The following IL1RAPL1 variants were observed in gnomAD, a reference collection of about 807,000 sequenced individuals.
IL1RAPL1 encodes interleukin-1 receptor accessory protein-like 1.
A neutral mutation model predicts 48.4 loss-of-function variants in IL1RAPL1; 3 were observed. The ratio of observed to expected loss-of-function variants is 0.06; its 90% CI spans 0.03 to 0.16. The LOEUF is 0.16. Among genes scored for constraint, IL1RAPL1 ranks in the 10% least tolerant of loss-of-function variants. IL1RAPL1 has a pLI of 1.00. For synonymous variants in IL1RAPL1, 185 were observed against 187.7 expected (o/e 0.99, Z 0.12); for missense variants, 349 against 530.6 (o/e 0.66, Z 3.36).
rs747619089 is a variant in IL1RAPL1, at chrX:28,587,964, A to C, written c.-108A>C. The C allele has an allele frequency of 8.9e-6, 1 of 111,762 alleles. No individual in the cohort carries two copies. Among genetic ancestry groups the C allele is most frequent in the Non-Finnish European group, 1.9e-5 (1 of 53,182 alleles). 9.2% of individuals were successfully genotyped at this position (111,762 alleles called of 1,213,427 possible). On this transcript the variant is annotated 5_prime_UTR_variant, in exon 1 of 11. Coordinates refer to ENST00000378993, the MANE Select transcript of IL1RAPL1 (RefSeq NM_014271.4). Reference sequence around the variant, plus strand: ...AAAAGAACACAGGAGTAAAACGTGGATTTTTCTGAATACGCATTGTGATGA... The same window carrying C: ...AAAAGAACACAGGAGTAAAACGTGGCTTTTTCTGAATACGCATTGTGATGA...
intron 5 of IL1RAPL1, among the ~76,000 whole-genome samples, chrX:29,656,450 A>C (rs984088979): frequency 9.1e-6 from 1 of 110,115 alleles, no homozygotes; most frequent in African/African-American, 3.3e-5. Flanking sequence ...CCCAGAGTCC[A>C]TTATGTCATT....
chrX:28,883,952 T>C (rs1197097550), intron 2 of IL1RAPL1, among the ~76,000 whole-genome samples: 1 of 111,830 alleles, frequency 8.9e-6, no homozygotes, highest in African/African-American at 3.2e-5. Context: ...TAAAGACATG[T>C]TACACTTTTG....
intron 5 of IL1RAPL1, among the ~76,000 whole-genome samples, chrX:29,521,382 G>A (rs972213089): frequency 3.0e-4 from 34 of 111,628 alleles, no homozygotes; most frequent in African/African-American, 1.1e-3. Context: ...CAATGTGATT[G>A]TATGCCTTAA....
intron 6 of IL1RAPL1, among the ~76,000 whole-genome samples, chrX:29,757,240 G>T (rs1284928370): frequency 1.8e-5 from 2 of 112,084 alleles, no homozygotes; most frequent in Non-Finnish European, 3.8e-5. Context: ...ACAGGCAGTT[G>T]CATAGCTCAT....
intron 2 of IL1RAPL1, among the ~76,000 whole-genome samples, chrX:29,281,864 A>G (rs921386166): frequency 1.8e-5 from 2 of 112,029 alleles, no homozygotes; most frequent in African/African-American, 6.5e-5. Flanking sequence ...AACAAAAGAT[A>G]TTTCTTTCTC....
At chrX:29,277,512 C>A (rs1318944749) in intron 2 of IL1RAPL1, among the ~76,000 whole-genome samples, 1 of 111,896 alleles carries the variant, frequency 8.9e-6, no homozygotes, top group Non-Finnish European at 1.9e-5. Flanking sequence ...CAAGGAAGAG[C>A]AACCCTTATG....
chrX:29,523,175 T>C (rs1379911018), intron 5 of IL1RAPL1, among the ~76,000 whole-genome samples: 1 of 112,001 alleles, frequency 8.9e-6, no homozygotes, highest in Non-Finnish European at 1.9e-5. Flanking sequence ...ATGTGCTTTT[T>C]GGTTAACAGT....
intron 3 of IL1RAPL1, among the ~76,000 whole-genome samples, chrX:29,301,796 T>C (rs963232724): frequency 1.8e-5 from 2 of 110,772 alleles, no homozygotes; most frequent in Non-Finnish European, 3.8e-5. Context: ...GTTAAAAATA[T>C]GGTGACAAAG....
intron 6 of IL1RAPL1, among the ~76,000 whole-genome samples, chrX:29,903,006 A>ATTACT (rs1932525722): frequency 9.0e-6 from 1 of 111,171 alleles, no homozygotes; most frequent in Admixed American, 9.6e-5. Flanking sequence ...TACCCCTTTC[A>ATTACT]TTACTTTTCC....
At chrX:29,084,884 G>T (rs951910010) in intron 2 of IL1RAPL1, among the ~76,000 whole-genome samples, 13 of 111,812 alleles carry the variant, frequency 1.2e-4, no homozygotes, top group Non-Finnish European at 1.9e-4. Flanking sequence ...GTAGAGACGG[G>T]GTTTCGCCAT....
intron 6 of IL1RAPL1, among the ~76,000 whole-genome samples, chrX:29,822,800 C>T (rs182783683): frequency 9.0e-4 from 100 of 111,109 alleles, no homozygotes; most frequent in African/African-American, 3.0e-3. Flanking sequence ...GAAAGGTCCT[C>T]GACTTTGGAG....
intron 2 of IL1RAPL1, among the ~76,000 whole-genome samples, chrX:29,281,777 G>A (rs1389994852): frequency 8.9e-6 from 1 of 112,045 alleles, no homozygotes; most frequent in Non-Finnish European, 1.9e-5. Flanking sequence ...AGTAATGAAG[G>A]GATTGGCTAG....
At chrX:29,679,437 T>C (rs1315953165) in intron 6 of IL1RAPL1, among the ~76,000 whole-genome samples, 1 of 111,730 alleles carries the variant, frequency 9.0e-6, no homozygotes. Context: ...ACTGAAATAT[T>C]TGGGGTGCAA....
chrX:28,999,301 C>G (rs999265111), intron 2 of IL1RAPL1, among the ~76,000 whole-genome samples: 1 of 111,303 alleles, frequency 9.0e-6, no homozygotes, highest in Non-Finnish European at 1.9e-5. Context: ...TCTACTTAAT[C>G]TTGCCTCTTA....
At chrX:29,180,387 A>AT (rs1930119700) in intron 2 of IL1RAPL1, among the ~76,000 whole-genome samples, 1 of 109,608 alleles carries the variant, frequency 9.1e-6, no homozygotes, top group Admixed American at 9.9e-5. Flanking sequence ...TATTATTATT[A>AT]TTTTTTGAGA....
chrX:29,335,590 G>A (rs1479522792), intron 3 of IL1RAPL1, among the ~76,000 whole-genome samples: 2 of 109,695 alleles, frequency 1.8e-5, no homozygotes, highest in East Asian at 5.7e-4. Flanking sequence ...CAAACTTGGT[G>A]ACTTAAAACA....
intron 3 of IL1RAPL1, among the ~76,000 whole-genome samples, chrX:29,310,162 A>AGTC (rs1383268546): frequency 9.7e-6 from 1 of 103,301 alleles, no homozygotes; most frequent in Non-Finnish European, 2.0e-5. Flanking sequence ...AAAAAGGGTA[A>AGTC]GTCGGGAGCT....
At chrX:29,046,100 A>T (rs1352809112) in intron 2 of IL1RAPL1, among the ~76,000 whole-genome samples, 2 of 108,064 alleles carry the variant, frequency 1.9e-5, no homozygotes, top group Non-Finnish European at 1.9e-5. Context: ...CAGGCTGGAG[A>T]GCAGGGGTGC....
intron 5 of IL1RAPL1, among the ~76,000 whole-genome samples, chrX:29,413,939 G>A (rs1309960737): frequency 9.0e-6 from 1 of 110,810 alleles, no homozygotes; most frequent in Non-Finnish European, 1.9e-5. Context: ...ATATATGTGT[G>A]TGTGTGCCCC....
Sources: allele counts gnomAD v4.1 joint callset (sites outside exome capture counted in the v4.1 genomes callset), GRCh38; gene constraint gnomAD v4.1.1; transcripts MANE v1.5; gene names NCBI Gene and HGNC (gene_info 2026-07-23, HGNC 2026-07-21).